ASB2: variants seen among roughly 807,000 people sequenced by gnomAD.
ASB2 encodes ankyrin repeat and SOCS box containing 2, also known as ankyrin repeat and SOCS box protein 2.
In ASB2, 58 loss-of-function variants were observed where a neutral mutation model predicts 62.4. The observed-to-expected ratio is 0.93, with a 90% CI of 0.75 to 1.16. The LOEUF is 1.16. ASB2 is among the 50% of genes most tolerant of loss of function. The pLI is 0.00. For synonymous variants in ASB2, 386 were observed against 385.3 expected (o/e 1.00, Z -0.02); for missense variants, 928 against 887.9 (o/e 1.05, Z -0.57).
intron 9 of ASB2, 124 bp from the exon 10 acceptor site, chr14:93,934,916 G>A (rs1888219826): frequency 1.3e-6 from 1 of 761,402 alleles, no homozygotes; most frequent in Non-Finnish European, 2.3e-6. Context: ...GGGAGTGCCT[G>A]CTGCTGGTCA....
In ASB2 at chr14:93,953,391, C is replaced by A. The variant is rs762667164; in HGVS notation, c.595G>T (p.Asp199Tyr). The part of the protein sequence containing the change: ...LSLLQAGAEP[D>Y]ISNKSRETPL... ...GTCTCTCGGGATTTGTTGGAGATGTCCGGCTCTGCCCCTGCTTGGAGCAGT... is the reference window on the plus strand; with the variant it reads ...GTCTCTCGGGATTTGTTGGAGATGTACGGCTCTGCCCCTGCTTGGAGCAGT... The change falls in exon 5 of 10, where the codon GAC (aspartate) becomes TAC (tyrosine). Residue 199 changes from aspartate (D) to tyrosine (Y), a missense_variant. Asp to Tyr is a radical substitution (Grantham distance 160). Coordinates refer to ENST00000555019, the MANE Select transcript of ASB2 (RefSeq NM_001202429.2). 1 of 1,599,378 alleles carries A rather than the reference C, an allele frequency of 6.3e-7. No homozygotes were observed. The highest frequency in any genetic ancestry group is 1.3e-5 in the African/African-American group (1 of 74,820).
In ASB2 at chr14:93,956,853, T is replaced by G. The variant is rs773110244; in HGVS notation, c.224A>C (p.Glu75Ala). The change falls in exon 3 of 10, where the codon GAG becomes GCG. Residue 75 changes from glutamate to alanine, a missense_variant. Physicochemically the swap from Glu to Ala is moderately radical, Grantham distance 107 (BLOSUM62 -1). Transcript: ENST00000555019. The stretch of plus-strand genomic sequence containing the variant: ...CATTGGGGCCCGGGCCGGCGAACTC[T>G]CAGGAGGTGCAGTGGACCTGGAGGG... ...YPWTRSTAPP[E>A]SSPARAPMGL... 1.2e-6 allele frequency: 2 copies of G among 1,614,062 alleles called. No homozygotes were observed. The highest frequency in any genetic ancestry group is 3.3e-5 in the Admixed American group (2 of 60,026).
chr14:93,953,073 T>C (rs779126340), intron 5 of ASB2, among the ~76,000 whole-genome samples: 46 of 152,162 alleles, frequency 3.0e-4, no homozygotes, highest in Non-Finnish European at 5.7e-4. Flanking sequence ...CCTTTCCTGC[T>C]CTCTGTGTGT....
chr14:93,956,707 G>GCCATCCCAGTTAGCGGAGT, intron 3 of ASB2, 59 bp downstream of exon 3: 2 of 1,600,970 alleles, frequency 1.2e-6, no homozygotes, highest in South Asian at 1.1e-5. Flanking sequence ...CACCCTCCCT[G>GCCATCCCAGTTAGCGGAGT]CCATCCCAGT....
In ASB2 at chr14:93,937,698, C is replaced by T; in HGVS notation, c.1771G>A (p.Glu591Lys). The T allele has an allele frequency of 6.2e-7, 1 of 1,605,498 alleles. No individual in the cohort carries two copies. Among genetic ancestry groups the T allele is most frequent in the Non-Finnish European group, 8.5e-7 (1 of 1,172,772 alleles). Residue 591 changes from glutamate to lysine, a missense_variant and splice_region_variant, in exon 9 of 10, where the codon GAA (glutamate) becomes AAA (lysine). Transcript: ENST00000555019. ...EDWAVIKEKAEPPRPLAHLCR... is the reference protein window; with the variant it reads ...EDWAVIKEKAKPPRPLAHLCR... ...CTTGGCAGCAGCAGCAAGTCCCTAC[C>T]TGCCTTCTCCTTGATGACGGCCCAG...
chr14:93,943,058 A>G (rs1888589000), intron 7 of ASB2, among the ~76,000 whole-genome samples: 1 of 152,216 alleles, frequency 6.6e-6, no homozygotes, highest in Non-Finnish European at 1.5e-5. Flanking sequence ...AGAGCTAAGA[A>G]CTTAATCTCA....
chr14:93,960,996 G>A (rs1889390598), intron 2 of ASB2, among the ~76,000 whole-genome samples: 1 of 122,026 alleles, frequency 8.2e-6, no homozygotes, highest in Non-Finnish European at 1.8e-5. Flanking sequence ...AACAGTATCA[G>A]CTCAGCTCTC....
Position 93,953,501 on chromosome 14 carries a change from G to A in ASB2, c.485C>T (p.Pro162Leu), listed in dbSNP as rs982338753. The change falls in exon 5 of 10, where the codon CCA becomes CTA. Residue 162 changes from proline to leucine, a missense_variant. Physicochemically the swap from Pro to Leu is moderately conservative, Grantham distance 98. Transcript: ENST00000555019. ...GCLKVLQRAY[P>L]GTIDQRTLQE... ...CAGGGTGCGCTGGTCGATGGTCCCTGGGTACGCTAGGGAGGGCCCACCGGG... is the reference window on the plus strand; with the variant it reads ...CAGGGTGCGCTGGTCGATGGTCCCTAGGTACGCTAGGGAGGGCCCACCGGG... 3.2e-6 allele frequency: 5 copies of A among 1,582,138 alleles called. No individual in the cohort carries two copies. The highest frequency in any genetic ancestry group is 4.3e-6 in the Non-Finnish European group (5 of 1,157,184).
chr14:93,975,202 C>T (rs773601625), intron 1 of ASB2, among the ~76,000 whole-genome samples: 16 of 152,262 alleles, frequency 1.1e-4, no homozygotes, highest in African/African-American at 2.9e-4. Context: ...CCTCGCCTCA[C>T]GAAACAAGCT....
At chr14:93,974,990 G>A (rs1365788950) in intron 1 of ASB2, among the ~76,000 whole-genome samples, 1 of 152,244 alleles carries the variant, frequency 6.6e-6, no homozygotes, top group Non-Finnish European at 1.5e-5. Context: ...GCACCCAGCG[G>A]AGCTGCTGCC....
In ASB2 at chr14:93,934,590, A is replaced by C. The variant is rs1888202051; in HGVS notation, c.*66T>G. The stretch of plus-strand genomic sequence containing the variant: ...TCACCAGGTCCCCTTGGAGTTGGGA[A>C]CACCGACGTCCTGAGACTTAGTAAG... On this transcript the variant is annotated 3_prime_UTR_variant, in exon 10 of 10. Transcript: ENST00000555019. 220 of 1,556,158 alleles carry C rather than the reference A, an allele frequency of 1.4e-4. No homozygotes were observed. The highest frequency in any genetic ancestry group is 1.8e-4 in the Non-Finnish European group (200 of 1,134,508).
intron 1 of ASB2, among the ~76,000 whole-genome samples, chr14:93,966,877 A>G (rs909248671): frequency 6.6e-6 from 1 of 152,158 alleles, no homozygotes; most frequent in African/African-American, 2.4e-5. Flanking sequence ...CAGAGTTGAG[A>G]ACCCCTGCTC....
intron 3 of ASB2, among the ~76,000 whole-genome samples, chr14:93,956,527 G>GC (rs528078783): frequency 1.3e-5 from 2 of 152,244 alleles, no homozygotes; most frequent in East Asian, 3.9e-4. Flanking sequence ...ATCTGAGGGG[G>GC]GGATCACCAG....
chr14:93,951,339 T>G, intron 5 of ASB2, 95 bp from the exon 6 acceptor site: 1 of 1,408,238 alleles, frequency 7.1e-7, no homozygotes, highest in South Asian at 1.4e-5. Flanking sequence ...ACTCATCCAC[T>G]CATTCAGCTT....
chr14:93,951,521 C>T (rs1888969652), intron 5 of ASB2, among the ~76,000 whole-genome samples: 1 of 152,216 alleles, frequency 6.6e-6, no homozygotes, highest in Admixed American at 6.5e-5. Flanking sequence ...TAATTTAATC[C>T]TCCCAAATCC....
chr14:93,949,777 G>A (rs1379898725), intron 6 of ASB2, among the ~76,000 whole-genome samples: 1 of 152,208 alleles, frequency 6.6e-6, no homozygotes, highest in South Asian at 2.1e-4. Flanking sequence ...GGTCACCCTT[G>A]CCTGCTGAGC....
intron 1 of ASB2, among the ~76,000 whole-genome samples, chr14:93,966,730 G>A (rs1180397344): frequency 6.6e-6 from 1 of 152,176 alleles, no homozygotes. Flanking sequence ...CTTAACGAAT[G>A]TCTCTCAGGC....
chr14:93,939,851 AGG>A (rs1050471187), intron 7 of ASB2, 179 bp from the exon 8 acceptor site: 10 of 486,348 alleles, frequency 2.1e-5, no homozygotes, highest in Non-Finnish European at 3.5e-5. Context: ...CCCACTGGGC[AGG>A]GTGGGTCGGC....
intron 9 of ASB2, among the ~76,000 whole-genome samples, chr14:93,937,080 C>T (rs776577077): frequency 1.2e-4 from 18 of 152,200 alleles, no homozygotes; most frequent in Non-Finnish European, 2.2e-4. Flanking sequence ...GACAACGAGC[C>T]TGCCCAGGCC....
Sources: gnomAD v4.1 joint callset for allele counts (sites outside exome capture counted in the v4.1 genomes callset) on GRCh38, gnomAD v4.1.1 for gene constraint, MANE v1.5 for transcripts, NCBI Gene and HGNC (gene_info 2026-07-23, HGNC 2026-07-21) for gene names.